The following PSTPIP2 variants were observed in gnomAD, a reference collection of about 807,000 sequenced individuals.
PSTPIP2 encodes proline-serine-threonine phosphatase-interacting protein 2.
In PSTPIP2, 33 loss-of-function variants were observed where a neutral mutation model predicts 63.3. That is an observed-to-expected ratio of 0.52 (90% CI 0.40 to 0.70). PSTPIP2 has a LOEUF of 0.70. Among genes scored for constraint, PSTPIP2 ranks in the 30% least tolerant of loss-of-function variants. PSTPIP2 has a pLI of 0.00. For missense variants in PSTPIP2, 312 were observed against 400.7 expected (o/e 0.78, Z 1.89); for synonymous variants, 125 against 132.7 (o/e 0.94, Z 0.40).
intron 1 of PSTPIP2, among the ~76,000 whole-genome samples, chr18:46,064,865 C>A (rs1333663152): frequency 6.6e-6 from 1 of 151,702 alleles, no homozygotes; most frequent in African/African-American, 2.4e-5. Flanking sequence ...AAACACTGGG[C>A]CGGGTGCGGT....
intron 2 of PSTPIP2, among the ~76,000 whole-genome samples, chr18:46,032,918 T>C (rs1334630958): frequency 2.0e-5 from 3 of 152,182 alleles, no homozygotes; most frequent in Non-Finnish European, 4.4e-5. Flanking sequence ...CAGAGTGAAC[T>C]GAAAAGATGA....
chr18:46,041,300 T>G (rs766682857), intron 1 of PSTPIP2, among the ~76,000 whole-genome samples: 15 of 152,152 alleles, frequency 9.9e-5, no homozygotes, highest in Middle Eastern at 3.2e-3. Context: ...CAGGCTAGAG[T>G]GCAGTGGCAC....
intron 9 of PSTPIP2, among the ~76,000 whole-genome samples, chr18:45,994,237 T>C (rs2051568802): frequency 6.6e-6 from 1 of 152,210 alleles, no homozygotes; most frequent in South Asian, 2.1e-4. Flanking sequence ...TATAAACAAA[T>C]ATCACCTTTA....
At chr18:46,048,941 T>A (rs1908480228) in intron 1 of PSTPIP2, among the ~76,000 whole-genome samples, 1 of 151,478 alleles carries the variant, frequency 6.6e-6, no homozygotes, top group Non-Finnish European at 1.5e-5. Context: ...AAATACACAT[T>A]GAAATGTTTG....
intron 1 of PSTPIP2, among the ~76,000 whole-genome samples, chr18:46,065,342 A>T (rs1170146669): frequency 6.6e-6 from 1 of 151,022 alleles, no homozygotes; most frequent in Non-Finnish European, 1.5e-5. Context: ...CCCAGGCTGG[A>T]GTGCAGTGGC....
At chr18:45,990,403 T>A (rs1345185836) in intron 13 of PSTPIP2, among the ~76,000 whole-genome samples, 1 of 151,940 alleles carries the variant, frequency 6.6e-6, no homozygotes, top group Non-Finnish European at 1.5e-5. Context: ...ATATAAGAAT[T>A]TCGTGGGTTT....
chr18:45,996,104 C>T (rs12953520), intron 9 of PSTPIP2, among the ~76,000 whole-genome samples: 5,583 of 152,282 alleles, frequency 0.037, 131 homozygotes, highest in Middle Eastern at 0.054. Context: ...GCATTAGCAG[C>T]CACCATGCCT....
intron 2 of PSTPIP2, among the ~76,000 whole-genome samples, chr18:46,036,172 T>TTATA (rs1907972325): frequency 6.7e-6 from 1 of 149,786 alleles, no homozygotes; most frequent in African/African-American, 2.4e-5. Context: ...TGTTAATGTG[T>TTATA]TATAATATTG....
At chr18:45,996,260 T>A (rs1465185911) in intron 9 of PSTPIP2, among the ~76,000 whole-genome samples, 1 of 152,246 alleles carries the variant, frequency 6.6e-6, no homozygotes, top group Non-Finnish European at 1.5e-5. Context: ...CAGCCCCTTT[T>A]CTGTGCTAAC....
chr18:45,983,865 G>C lies in PSTPIP2; in HGVS notation c.*1594C>G, dbSNP rs377165323. On this transcript the variant is annotated 3_prime_UTR_variant, in exon 15 of 15. Coordinates refer to ENST00000409746, the MANE Select transcript of PSTPIP2 (RefSeq NM_024430.4). ...ACCTTACACGAAAGGTGGGGAAATA[G>C]GCCGGGCGCAGTGGCTCACGCCTGT... The C allele has an allele frequency of 6.6e-6, 1 of 152,298 alleles. No homozygotes were observed. Among genetic ancestry groups the C allele is most frequent in the East Asian group, 1.9e-4 (1 of 5,202 alleles). The allele number at this position is 152,298 out of a possible 1,614,324, so 9.4% of individuals were successfully genotyped here. A position where few individuals can be genotyped will look rare whatever the true frequency, so the allele number is the denominator to read the frequency against.
At chr18:46,027,417 T>G (rs1374707133) in intron 2 of PSTPIP2, among the ~76,000 whole-genome samples, 2 of 151,720 alleles carry the variant, frequency 1.3e-5, no homozygotes, top group African/African-American at 4.8e-5. Context: ...TGGACTGGTG[T>G]TGTGGCTCAC....
In PSTPIP2 at chr18:46,006,360, C is replaced by CTTTTTTTTTTTTTTTTTTTTTTTTTTTT. The variant is rs756384731; in HGVS notation, c.355-830_355-829insAAAAAAAAAAAAAAAAAAAAAAAAAAAA. The stretch of plus-strand genomic sequence containing the variant: ...TGAGCCACCATGCCCAGCCCTGGTA[C>CTTTTTTTTTTTTTTTTTTTTTTTTTTTT]TTTTTTTTTTTTTTTTTTTTTTTTT... On this transcript the variant is annotated intron_variant, in intron 5 of 14. Coordinates refer to ENST00000409746, the MANE Select transcript of PSTPIP2 (RefSeq NM_024430.4). Among the ~76,000 whole-genome samples the CTTTTTTTTTTTTTTTTTTTTTTTTTTTT allele has an allele frequency of 5.2e-5, 6 of 115,628 alleles. 3 individuals are homozygous for CTTTTTTTTTTTTTTTTTTTTTTTTTTTT. Among genetic ancestry groups the CTTTTTTTTTTTTTTTTTTTTTTTTTTTT allele is most frequent in the African/African-American group, 1.5e-4 (4 of 27,084 alleles). The allele number at this position is 115,628 out of a possible 152,430, so 75.9% of individuals were successfully genotyped here.
intron 1 of PSTPIP2, among the ~76,000 whole-genome samples, chr18:46,053,453 C>T (rs1335370308): frequency 6.6e-6 from 1 of 152,152 alleles, no homozygotes; most frequent in Non-Finnish European, 1.5e-5. Flanking sequence ...TCATCGAAGT[C>T]CAATGCCTTT....
intron 2 of PSTPIP2, among the ~76,000 whole-genome samples, chr18:46,033,093 C>T (rs867647092): frequency 1.1e-4 from 17 of 152,166 alleles, no homozygotes; most frequent in African/African-American, 3.4e-4. Context: ...TTATGGCTAA[C>T]GAAACTGGAA....
intron 14 of PSTPIP2, among the ~76,000 whole-genome samples, chr18:45,988,113 A>G (rs1478799640): frequency 6.6e-6 from 1 of 152,110 alleles, no homozygotes; most frequent in Non-Finnish European, 1.5e-5. Flanking sequence ...CAGGTGTGTA[A>G]TAACTATAAA....
rs553042454 is a variant in PSTPIP2 at position 46,015,939 on chromosome 18, TA to T, written c.213-3del. The T allele has an allele frequency of 5.3e-4, 858 of 1,610,888 alleles. 3 individuals carry two copies. The African/African-American group carries it at 0.01, about 19-fold the overall frequency. Reference sequence around the variant, plus strand: ...ACTTCAAGGGCCCGCTTCAGGGTGCTAAAAAAAACAAGCACATATATAATTT... The same window carrying T: ...ACTTCAAGGGCCCGCTTCAGGGTGCTAAAAAAACAAGCACATATATAATTT... On this transcript the variant is annotated splice_polypyrimidine_tract_variant and splice_region_variant and intron_variant, in intron 3 of 14. Coordinates refer to ENST00000409746, the MANE Select transcript of PSTPIP2 (RefSeq NM_024430.4).
intron 6 of PSTPIP2, among the ~76,000 whole-genome samples, chr18:46,003,204 A>G (rs2051687060): frequency 1.3e-5 from 2 of 152,242 alleles, no homozygotes; most frequent in Admixed American, 6.5e-5. Context: ...CTCCTTAGAC[A>G]CCATCCCAGG....
intron 1 of PSTPIP2, among the ~76,000 whole-genome samples, chr18:46,065,506 G>T (rs1909156472): frequency 1.3e-5 from 2 of 152,042 alleles, no homozygotes; most frequent in Non-Finnish European, 2.9e-5. Context: ...TCACTCTGTT[G>T]CCCAGGCTGG....
intron 2 of PSTPIP2, among the ~76,000 whole-genome samples, chr18:46,035,438 G>GAA (rs1568224566): frequency 2.2e-5 from 3 of 134,374 alleles, no homozygotes; most frequent in Non-Finnish European, 4.6e-5. Context: ...AAAAAGAAAA[G>GAA]AGAGAGAGAG....
Sources: allele counts gnomAD v4.1 joint callset (sites outside exome capture counted in the v4.1 genomes callset), GRCh38; gene constraint gnomAD v4.1.1; transcripts MANE v1.5; gene names NCBI Gene and HGNC (gene_info 2026-07-23, HGNC 2026-07-21).